The following TIPARP variants were observed in gnomAD, a reference collection of about 807,000 sequenced individuals.
The protein encoded by TIPARP is protein mono-ADP-ribosyltransferase TIPARP.
A neutral mutation model predicts 56.5 loss-of-function variants in TIPARP; 12 were observed. The observed-to-expected ratio is 0.21, with a 90% CI of 0.14 to 0.34. The LOEUF is 0.34. TIPARP is among the 10% of genes least tolerant of loss of function. The pLI, the probability that TIPARP is intolerant of heterozygous loss-of-function variation, is 1.00. For missense variants in TIPARP, 604 were observed against 781.6 expected (o/e 0.77, Z 2.71); for synonymous variants, 296 against 265.7 (o/e 1.11, Z -1.11).
At chr3:156,692,854 A>T (rs1257874597) in intron 2 of TIPARP, among the ~76,000 whole-genome samples, 2 of 148,848 alleles carry the variant, frequency 1.3e-5, no homozygotes, top group Non-Finnish European at 3.0e-5. Context: ...CGTAGATCAA[A>T]TTTTTTTTTT....
rs1293361007 is a variant in TIPARP, at chr3:156,678,325, C to G, written c.628C>G (p.Leu210Val). ...CACCAGTGATAAGCTGAGTACTGAG[C>G]TCTTTCAGGACAAAAGTGAAGAGGC... ...LDTSDKLSTE[L>V]FQDKSEEASL... Residue 210 changes from leucine to valine, a missense_variant, in exon 2 of 6, where the codon CTC becomes GTC. By Grantham distance (32) the Leu-to-Val change is conservative. Coordinates refer to ENST00000295924, the MANE Select transcript of TIPARP (RefSeq NM_015508.5). 1.2e-6 allele frequency: 2 copies of G among 1,614,198 alleles called. No individual in the cohort carries two copies. Among genetic ancestry groups the G allele is most frequent in the Admixed American group, 3.3e-5 (2 of 60,030 alleles).
At chr3:156,697,306 A>G (rs1345804288) in intron 4 of TIPARP, among the ~76,000 whole-genome samples, 1 of 152,184 alleles carries the variant, frequency 6.6e-6, no homozygotes, top group Non-Finnish European at 1.5e-5. Flanking sequence ...CAATCAAGCA[A>G]GATAGAACTT....
rs1291859416 is a variant in TIPARP at position 156,705,057 on chromosome 3, A to G, written c.1900A>G (p.Ile634Val). 2.5e-6 allele frequency: 4 copies of G among 1,613,966 alleles called. No individual in the cohort carries two copies. The highest frequency in any genetic ancestry group is 4.5e-5 in the East Asian group (2 of 44,898). ...TTTCTTTGAGCCTCAGATTTTTGTCATTTTTAATGATGACCAGAGTTACCC... is the reference window on the plus strand; with the variant it reads ...TTTCTTTGAGCCTCAGATTTTTGTCGTTTTTAATGATGACCAGAGTTACCC... Reference protein sequence around the residue: ...DNFFEPQIFVIFNDDQSYPYF... With the variant: ...DNFFEPQIFVVFNDDQSYPYF... Residue 634 changes from isoleucine (I) to valine (V), a missense_variant, in exon 6 of 6, where the codon ATT (isoleucine) becomes GTT (valine). Around this residue, in one of 4 missense-constraint regions of TIPARP, gnomAD observed 77 missense variants for 161.0 expected, o/e 0.48. Transcript: ENST00000295924.
intron 2 of TIPARP, among the ~76,000 whole-genome samples, chr3:156,682,532 A>G (rs1722333890): frequency 6.6e-6 from 1 of 152,250 alleles, no homozygotes; most frequent in African/African-American, 2.4e-5. Flanking sequence ...AGAGAAATGT[A>G]TATTAATGAT....
chr3:156,678,556 G>C lies in TIPARP; in HGVS notation c.859G>C (p.Glu287Gln). 6.2e-7 allele frequency: 1 copy of C among 1,614,118 alleles called. No individual in the cohort carries two copies. Among genetic ancestry groups the C allele is most frequent in the Non-Finnish European group, 8.5e-7 (1 of 1,180,012 alleles). Residue 287 changes from glutamate to glutamine, a missense_variant, in exon 2 of 6, where the codon GAG becomes CAG. Glu to Gln is a conservative substitution (Grantham distance 29). Transcript: ENST00000295924. Reference sequence around the variant, plus strand: ...GCAGAGTGTATTCAATGATTCTCAGGAGCACTTGGAAAGATTTTACTGTAA... The same window carrying C: ...GCAGAGTGTATTCAATGATTCTCAGCAGCACTTGGAAAGATTTTACTGTAA... ...KWQSVFNDSQ[E>Q]HLERFYCNPE...
intron 2 of TIPARP, among the ~76,000 whole-genome samples, chr3:156,682,327 C>G (rs1006750475): frequency 8.6e-5 from 13 of 152,036 alleles, no homozygotes; most frequent in African/African-American, 3.1e-4. Flanking sequence ...TTTCAGAGGA[C>G]AGGGTTTTTT....
chr3:156,689,716 C>T (rs998481316), intron 2 of TIPARP, among the ~76,000 whole-genome samples: 2 of 152,242 alleles, frequency 1.3e-5, no homozygotes, highest in African/African-American at 4.8e-5. Flanking sequence ...ATACCCTAAC[C>T]TCCCACATGA....
At chr3:156,677,333 A>G (rs1722157688) in intron 1 of TIPARP, among the ~76,000 whole-genome samples, 2 of 152,078 alleles carry the variant, frequency 1.3e-5, no homozygotes, top group Non-Finnish European at 2.9e-5. Flanking sequence ...TCTACCTCCC[A>G]TTTCCCACCC....
intron 1 of TIPARP, among the ~76,000 whole-genome samples, chr3:156,677,453 C>T (rs1289852883): frequency 6.6e-6 from 1 of 152,190 alleles, no homozygotes; most frequent in Non-Finnish European, 1.5e-5. Flanking sequence ...CTACTTTTAC[C>T]TGCTGTGTGC....
chr3:156,680,408 A>G (rs1722265138), intron 2 of TIPARP, among the ~76,000 whole-genome samples: 1 of 152,148 alleles, frequency 6.6e-6, no homozygotes, highest in South Asian at 2.1e-4. Flanking sequence ...TAGCAATTCT[A>G]ATTGCTATGT....
Position 156,678,594 on chromosome 3 carries a change from T to G in TIPARP, c.897T>G (p.Asp299Glu). ...GATTTTACTGTAACCCAGAAAATGA[T>G]AGAATGAGAATGAAGTATGGGTATG... ...LERFYCNPEN[D>E]RMRMKYGGQE... The change falls in exon 2 of 6, where the codon GAT becomes GAG. Residue 299 changes from aspartate (D) to glutamate (E), a missense_variant. By Grantham distance (45) the Asp-to-Glu change is conservative (BLOSUM62 2). Coordinates refer to ENST00000295924, the MANE Select transcript of TIPARP (RefSeq NM_015508.5). 1 of 1,613,676 alleles carries G rather than the reference T, an allele frequency of 6.2e-7. No homozygotes were observed. Among genetic ancestry groups the G allele is most frequent in the Non-Finnish European group, 8.5e-7 (1 of 1,179,766 alleles).
Position 156,705,221 on chromosome 3 carries a change from A to G in TIPARP, c.*90A>G. 1 of 817,206 alleles carries G rather than the reference A, an allele frequency of 1.2e-6. No individual in the cohort carries two copies. Among genetic ancestry groups the G allele is most frequent in the Non-Finnish European group, 1.8e-6 (1 of 541,236 alleles). 50.6% of individuals were successfully genotyped at this position (817,206 alleles called of 1,614,324 possible). On this transcript the variant is annotated 3_prime_UTR_variant, in exon 6 of 6. Coordinates refer to ENST00000295924, the MANE Select transcript of TIPARP (RefSeq NM_015508.5). ...TGGGTGGGACTGGGTGGGGAACAGC[A>G]TTGGACATTAATAGGGCACTTTTCA...
chr3:156,675,146 CT>C (rs1722084745), intron 1 of TIPARP: 1 of 148,740 alleles, frequency 6.7e-6, no homozygotes, highest in Non-Finnish European at 1.5e-5. Flanking sequence ...ACCCCGGGTG[CT>C]CTGAGGCGCC....
At chr3:156,679,771 A>G (rs1032147205) in intron 2 of TIPARP, among the ~76,000 whole-genome samples, 3 of 152,164 alleles carry the variant, frequency 2.0e-5, no homozygotes, top group African/African-American at 7.2e-5. Flanking sequence ...TTGTTCACAG[A>G]TATGTTGATT....
chr3:156,694,659 T>C (rs948969860), intron 3 of TIPARP, among the ~76,000 whole-genome samples: 3 of 152,206 alleles, frequency 2.0e-5, no homozygotes, highest in African/African-American at 7.2e-5. Flanking sequence ...GTCAGGGAAA[T>C]CAGTTATTTA....
chr3:156,687,554 G>T (rs1312060739), intron 2 of TIPARP, among the ~76,000 whole-genome samples: 3 of 152,058 alleles, frequency 2.0e-5, no homozygotes, highest in Non-Finnish European at 4.4e-5. Context: ...TCATTGTATG[G>T]TATTATTTAT....
chr3:156,693,321 T>C lies in TIPARP; in HGVS notation c.918-699T>C, dbSNP rs145454592. ...TATTAAATGAGTCTGATTCATATAGTGGGACTTCCCTCCAACAGTATGGAG... is the reference window on the plus strand; with the variant it reads ...TATTAAATGAGTCTGATTCATATAGCGGGACTTCCCTCCAACAGTATGGAG... On this transcript the variant is annotated intron_variant, in intron 2 of 5. Transcript: ENST00000295924. 2.4e-3 allele frequency among the ~76,000 whole-genome samples: 369 copies of C among 152,298 alleles called. 2 individuals carry two copies. Among genetic ancestry groups the C allele is most frequent in the African/African-American group, 8.3e-3 (347 of 41,574 alleles).
chr3:156,705,714 G>T lies in TIPARP; in HGVS notation c.*583G>T, dbSNP rs1722962822. 1 of 152,644 alleles carries T rather than the reference G, an allele frequency of 6.6e-6. No individual in the cohort carries two copies. The highest frequency in any genetic ancestry group is 1.9e-4 in the East Asian group (1 of 5,202). 9.5% of individuals were successfully genotyped at this position (152,644 alleles called of 1,614,324 possible). On this transcript the variant is annotated 3_prime_UTR_variant, in exon 6 of 6. Transcript: ENST00000295924. ...AACATCAGTGACTTTAACTTCTGCA[G>T]AGTTTGCCCCAGAATTCAGAGTTCT...
Position 156,704,809 on chromosome 3 carries a change from T to C in TIPARP, c.1652T>C (p.Val551Ala). The C allele has an allele frequency of 6.2e-7, 1 of 1,614,082 alleles. No individual in the cohort carries two copies. The highest frequency in any genetic ancestry group is 8.5e-7 in the Non-Finnish European group (1 of 1,180,024). The part of the protein sequence containing the change: ...GICKHNFDPR[V>A]CGKHATMFGQ... ...TGCAAACACAACTTTGACCCTCGAG[T>C]CTGTGGAAAGCATGCTACAATGTTT... is the stretch of plus-strand genomic sequence containing the variant. Residue 551 changes from valine (V) to alanine (A), a missense_variant, in exon 6 of 6, where the codon GTC becomes GCC. Around this residue, in one of 4 missense-constraint regions of TIPARP, gnomAD observed 77 missense variants for 161.0 expected, o/e 0.48. Coordinates refer to ENST00000295924, the MANE Select transcript of TIPARP (RefSeq NM_015508.5).
Sources: gnomAD v4.1 joint callset for allele counts (sites outside exome capture counted in the v4.1 genomes callset) on GRCh38, gnomAD v4.1.1 for gene constraint, gnomAD v4.1.1 regional missense constraint, MANE v1.5 for transcripts, NCBI Gene and HGNC (gene_info 2026-07-23, HGNC 2026-07-21) for gene names.